The following MAGI2 variants were observed in gnomAD, a reference collection of about 807,000 sequenced individuals.
MAGI2 encodes the protein membrane-associated guanylate kinase, WW and PDZ domain-containing protein 2.
In MAGI2, 35 loss-of-function variants were observed where a neutral mutation model predicts 133.3. The observed-to-expected ratio is 0.26, with a 90% CI of 0.20 to 0.35. The LOEUF is 0.35. Ranked by LOEUF, MAGI2 falls within the 10% of genes least tolerant of loss-of-function variation. The pLI, the probability that MAGI2 is intolerant of heterozygous loss-of-function variation, is 1.00. For synonymous variants in MAGI2, 729 were observed against 710.6 expected, an observed-to-expected ratio of 1.03 and a Z score of -0.41; for missense variants, 1,636 against 1,863.4, an observed-to-expected ratio of 0.88 and a Z score of 2.25.
intron 1 of MAGI2, among the ~76,000 whole-genome samples, chr7:79,206,098 C>T (rs1829031233): frequency 6.6e-6 from 1 of 151,130 alleles, no homozygotes; most frequent in African/African-American, 2.4e-5. Context: ...GGGAAGTTTA[C>T]AGCAATAAAT....
At chr7:79,139,958 G>A (rs1022897645) in intron 1 of MAGI2, 1 of 152,160 alleles carries the variant, frequency 6.6e-6, no homozygotes, top group Non-Finnish European at 1.5e-5. Flanking sequence ...TGAACCTGTA[G>A]CAGGGCATGG....
intron 2 of MAGI2, among the ~76,000 whole-genome samples, chr7:78,989,761 C>G (rs1414621511): frequency 6.6e-6 from 1 of 151,888 alleles, no homozygotes; most frequent in Non-Finnish European, 1.5e-5. Context: ...CAACATGAGG[C>G]CTTGTTGCAT....
intron 2 of MAGI2, among the ~76,000 whole-genome samples, chr7:78,684,302 T>G (rs1816027149): frequency 6.6e-6 from 1 of 152,200 alleles, no homozygotes; most frequent in Non-Finnish European, 1.5e-5. Context: ...AGAGAATAAT[T>G]AGTGACTTTC....
intron 1 of MAGI2, among the ~76,000 whole-genome samples, chr7:79,299,744 T>C (rs1242307407): frequency 6.6e-6 from 1 of 152,072 alleles, no homozygotes; most frequent in Non-Finnish European, 1.5e-5. Context: ...TCATATTGAA[T>C]TGTAATCCCC....
At chr7:78,239,519 G>T (rs1790904903) in intron 10 of MAGI2, among the ~76,000 whole-genome samples, 1 of 151,308 alleles carries the variant, frequency 6.6e-6, no homozygotes, top group African/African-American at 2.4e-5. Flanking sequence ...ATGGATAAAG[G>T]GTTAATATCT....
chr7:78,517,003 C>T (rs73376245), intron 4 of MAGI2, among the ~76,000 whole-genome samples: 1 of 152,052 alleles, frequency 6.6e-6, no homozygotes, highest in Non-Finnish European at 1.5e-5. Flanking sequence ...ATTTAAGTTG[C>T]AGAAGTAATG....
At chr7:79,386,650 C>A (rs941097865) in intron 1 of MAGI2, among the ~76,000 whole-genome samples, 1 of 152,020 alleles carries the variant, frequency 6.6e-6, no homozygotes, top group Non-Finnish European at 1.5e-5. Context: ...TCCTCTCATG[C>A]TTAGGTTTAT....
intron 2 of MAGI2, among the ~76,000 whole-genome samples, chr7:78,733,692 T>C (rs1821583095): frequency 1.3e-5 from 2 of 152,150 alleles, no homozygotes; most frequent in African/African-American, 4.8e-5. Flanking sequence ...GTTATACTTG[T>C]CTGTAGGAAA....
intron 4 of MAGI2, chr7:78,518,770 T>C (rs1002621721): frequency 4.6e-5 from 7 of 152,230 alleles, no homozygotes; most frequent in Non-Finnish European, 8.8e-5. Context: ...TCTCACTCTG[T>C]TGCCCAGGCT....
intron 2 of MAGI2, among the ~76,000 whole-genome samples, chr7:78,918,869 G>C (rs934078590): frequency 2.0e-5 from 3 of 151,988 alleles, no homozygotes; most frequent in Non-Finnish European, 4.4e-5. Context: ...ATACTGAAAA[G>C]AAGGATCAAA....
At chr7:78,798,267 G>T (rs1787776500) in intron 2 of MAGI2, among the ~76,000 whole-genome samples, 3 of 152,016 alleles carry the variant, frequency 2.0e-5, no homozygotes, top group Non-Finnish European at 4.4e-5. Context: ...CTGAAGAGGG[G>T]TTCAATTATC....
At chr7:79,259,049 T>C (rs1833895606) in intron 1 of MAGI2, among the ~76,000 whole-genome samples, 1 of 152,232 alleles carries the variant, frequency 6.6e-6, no homozygotes, top group Non-Finnish European at 1.5e-5. Context: ...TTTCTGTACG[T>C]GGTTACAACT....
intron 1 of MAGI2, among the ~76,000 whole-genome samples, chr7:79,339,937 C>T (rs1419849175): frequency 6.6e-6 from 1 of 151,990 alleles, no homozygotes. Flanking sequence ...AGATGCGTTT[C>T]GTATCAATTT....
rs2129550556 is a variant in MAGI2, at chr7:79,184,389, C to G, written c.302-177183G>C. Among the ~76,000 whole-genome samples the G allele has an allele frequency of 1.3e-5, 2 of 150,728 alleles. 1 individual carries two copies. Among genetic ancestry groups the G allele is most frequent in the African/African-American group, 4.9e-5 (2 of 41,030 alleles). On this transcript the variant is annotated intron_variant, in intron 1 of 21. Transcript: ENST00000354212. ...GAACTTATTCATGTAACCAAACACA[C>G]CTGTTTCCCAAAAACGTATTGAAAT...
chr7:78,451,702 G>A (rs370282841), intron 6 of MAGI2, among the ~76,000 whole-genome samples: 3 of 152,142 alleles, frequency 2.0e-5, no homozygotes, highest in East Asian at 1.9e-4. Flanking sequence ...TCTGCATAAA[G>A]CACTGGGAAT....
chr7:78,447,239 G>T (rs114988953), intron 6 of MAGI2, among the ~76,000 whole-genome samples: 2,931 of 151,974 alleles, frequency 0.019, 91 homozygotes, highest in African/African-American at 0.067. Context: ...ATGGAGTACA[G>T]TGCAATGTTT....
intron 2 of MAGI2, among the ~76,000 whole-genome samples, chr7:78,937,025 A>G (rs1386837460): frequency 1.3e-5 from 2 of 152,030 alleles, no homozygotes; most frequent in African/African-American, 4.8e-5. Context: ...ACCACTCTCT[A>G]AGAAAAGGAA....
At chr7:78,436,862 A>T (rs984433539) in intron 6 of MAGI2, among the ~76,000 whole-genome samples, 2 of 152,280 alleles carry the variant, frequency 1.3e-5, no homozygotes, top group South Asian at 4.1e-4. Context: ...GTCTGTTCTG[A>T]GATATGCATG....
intron 9 of MAGI2, among the ~76,000 whole-genome samples, chr7:78,337,193 CA>C (rs1175217723): frequency 6.6e-6 from 1 of 152,162 alleles, no homozygotes; most frequent in Non-Finnish European, 1.5e-5. Flanking sequence ...CTAGTGTTTA[CA>C]AATGATTGCT....
Sources: gnomAD v4.1 joint callset for allele counts (sites outside exome capture counted in the v4.1 genomes callset) on GRCh38, gnomAD v4.1.1 for gene constraint, MANE v1.5 for transcripts, NCBI Gene and HGNC (gene_info 2026-07-23, HGNC 2026-07-21) for gene names.